Variants in TNFSF13 observed in about 807,000 individuals in gnomAD.
TNFSF13 encodes TNF superfamily member 13.
In TNFSF13, 18 loss-of-function variants were observed where a neutral mutation model predicts 30.7. That is an observed-to-expected ratio of 0.59 (90% CI 0.41 to 0.87). The LOEUF (loss-of-function observed/expected upper bound fraction) is 0.87, where lower values mean the gene tolerates loss of function less well. TNFSF13 is among the 40% of genes least tolerant of loss of function. TNFSF13 has a pLI of 0.00. For missense variants in TNFSF13, 286 were observed against 308.8 expected (o/e 0.93, Z 0.55); for synonymous variants, 116 against 123.2 (o/e 0.94, Z 0.39).
In TNFSF13 at chr17:7,558,804, TGAGG is replaced by T. The variant is rs2071114695; in HGVS notation, c.-230_-227del. The stretch of plus-strand genomic sequence containing the variant: ...GACTGGAACCTAATTCTCCTGAGGC[TGAGG>T]GAGGGTGGAGGGTCTCAAGGCAACG... On this transcript the variant is annotated 5_prime_UTR_variant, in exon 1 of 6. Coordinates refer to ENST00000338784, the MANE Select transcript of TNFSF13 (RefSeq NM_003808.4). This position sits in a 1 kb window ranked among gnomAD's most constrained non-coding sequence, Gnocchi z 4.3. The T allele has an allele frequency of 2.6e-6, 1 of 384,414 alleles. No homozygotes were observed. The highest frequency in any genetic ancestry group is 4.6e-6 in the Non-Finnish European group (1 of 217,928). 23.8% of individuals were successfully genotyped at this position (384,414 alleles called of 1,614,324 possible).
Position 7,560,364 on chromosome 17 carries a change from C to T in TNFSF13, c.519C>T (p.Asp173=), listed in dbSNP as rs998572420. The change falls in exon 5 of 6, where the codon GAC becomes GAT. Residue 173 remains aspartate, a synonymous_variant. Transcript: ENST00000338784. ...YLLYSQVLFQ[D]VTFTMGQVVS... is the part of the protein sequence containing the mutation. ...TTCCCTGCCAGGTCCTGTTTCAAGA[C>T]GTGACTTTCACCATGGGTCAGGTGG... The T allele has an allele frequency of 1.2e-6, 2 of 1,614,174 alleles. No homozygotes were observed. Among genetic ancestry groups the T allele is most frequent in the South Asian group, 2.2e-5 (2 of 91,076 alleles).
At position 7,559,830 on chromosome 17, in the gene TNFSF13, C is replaced by T. The variant is rs113714369; in HGVS notation, c.338-16C>T. 2.2e-5 allele frequency: 35 copies of T among 1,614,094 alleles called. No individual in the cohort carries two copies. The African/African-American group carries it at 2.4e-4, about 11-fold the overall frequency. On this transcript the variant is annotated splice_polypyrimidine_tract_variant and intron_variant, in intron 2 of 5. Transcript: ENST00000338784. This position sits in a 1 kb window ranked among gnomAD's most constrained non-coding sequence, Gnocchi z 5.4. ...GGAAAGTGGATGCGGCTGAGATTCC[C>T]TCCTTCTCTCCTCAGAGCAGCACTC... is the stretch of plus-strand genomic sequence containing the variant.
chr17:7,559,808 A>G lies in TNFSF13; in HGVS notation c.338-38A>G. On this transcript the variant is annotated intron_variant, in intron 2 of 5. Transcript: ENST00000338784. The surrounding 1 kb of genome is among the most constrained non-coding windows in gnomAD (Gnocchi z 5.4). ...AGGCTGCCAACAGCACAACGGGGGA[A>G]AGTGGATGCGGCTGAGATTCCCTCC... 1.9e-6 allele frequency: 3 copies of G among 1,614,072 alleles called. No individual in the cohort carries two copies. Among genetic ancestry groups the G allele is most frequent in the Non-Finnish European group, 2.5e-6 (3 of 1,179,998 alleles).
At position 7,559,886 on chromosome 17, in the gene TNFSF13, C is replaced by T. The variant is rs1393871598; in HGVS notation, c.378C>T (p.Thr126=). ...TGCACCTGGTTCCCATTAACGCCACCTCCAAGGGTGAGCACTATTTTAAAT... is the reference window on the plus strand; with the variant it reads ...TGCACCTGGTTCCCATTAACGCCACTTCCAAGGGTGAGCACTATTTTAAAT... ...SVLHLVPINA[T]SKDDSDVTEV... Residue 126 remains threonine (T), a synonymous_variant, in exon 3 of 6, where the codon ACC becomes ACT. Transcript: ENST00000338784. This position sits in a 1 kb window ranked among gnomAD's most constrained non-coding sequence, Gnocchi z 5.4. 1.2e-6 allele frequency: 2 copies of T among 1,614,176 alleles called. No individual in the cohort carries two copies. Among genetic ancestry groups the T allele is most frequent in the East Asian group, 2.2e-5 (1 of 44,886 alleles).
chr17:7,559,778 G>T lies in TNFSF13; in HGVS notation c.338-68G>T. On this transcript the variant is annotated intron_variant, in intron 2 of 5. Coordinates refer to ENST00000338784, the MANE Select transcript of TNFSF13 (RefSeq NM_003808.4). The surrounding 1 kb of genome is among the most constrained non-coding windows in gnomAD (Gnocchi z 5.4). ...GATTGTAAGCCCGAGTCAGGGTGAG[G>T]GTGGAGGCTGCCAACAGCACAACGG... The T allele has an allele frequency of 6.2e-7, 1 of 1,614,050 alleles. No individual in the cohort carries two copies. The highest frequency in any genetic ancestry group is 8.5e-7 in the Non-Finnish European group (1 of 1,179,992).
chr17:7,559,801 C>G lies in TNFSF13; in HGVS notation c.338-45C>G. 9.3e-6 allele frequency: 15 copies of G among 1,613,960 alleles called. No homozygotes were observed. Among genetic ancestry groups the G allele is most frequent in the Non-Finnish European group, 1.3e-5 (15 of 1,179,984 alleles). On this transcript the variant is annotated intron_variant, in intron 2 of 5. Transcript: ENST00000338784. The surrounding 1 kb of genome is among the most constrained non-coding windows in gnomAD (Gnocchi z 5.4). ...AGGGTGGAGGCTGCCAACAGCACAA[C>G]GGGGGAAAGTGGATGCGGCTGAGAT... is the stretch of plus-strand genomic sequence containing the variant.
At position 7,559,218 on chromosome 17, in the gene TNFSF13, G is replaced by A. The variant is rs1295405624; in HGVS notation, c.179G>A (p.Arg60Lys). ...TQQTELQSLR[R>K]EVSRLQGTGG... ...CAAACAGAGCTGCAGAGCCTCAGGA[G>A]AGAGGTGAGCCGGCTGCAGGGGACA... The change falls in exon 1 of 6, where the codon AGA (arginine) becomes AAA (lysine). Residue 60 changes from arginine to lysine, a missense_variant. Coordinates refer to ENST00000338784, the MANE Select transcript of TNFSF13 (RefSeq NM_003808.4). The surrounding 1 kb of genome is among the most constrained non-coding windows in gnomAD (Gnocchi z 5.4). 6.2e-7 allele frequency: 1 copy of A among 1,611,746 alleles called. No individual in the cohort carries two copies. The highest frequency in any genetic ancestry group is 1.7e-5 in the Admixed American group (1 of 59,934).
Position 7,558,902 on chromosome 17 carries a change from TATTTTC to T in TNFSF13, c.-136_-131del. The T allele has an allele frequency of 9.1e-7, 1 of 1,093,604 alleles. No homozygotes were observed. The highest frequency in any genetic ancestry group is 1.6e-5 in the African/African-American group (1 of 62,630). The allele number at this position is 1,093,604 out of a possible 1,614,324, so 67.7% of individuals were successfully genotyped here. ...GCTTGCTTTCCTCCTCCCTCCTTTTTATTTTCAAGTTCCTTTTTATTTCTCCTTGCG... is the reference window on the plus strand; with the variant it reads ...GCTTGCTTTCCTCCTCCCTCCTTTTTAAGTTCCTTTTTATTTCTCCTTGCG... On this transcript the variant is annotated 5_prime_UTR_variant, in exon 1 of 6. Transcript: ENST00000338784. The surrounding 1 kb of genome is among the most constrained non-coding windows in gnomAD (Gnocchi z 4.3).
At position 7,560,573 on chromosome 17, in the gene TNFSF13, A is replaced by T. The variant is rs78496193; in HGVS notation, c.643+85A>T. ...GAGCTACCGCTAGGAGGGAGGTTGG[A>T]AACCTAAACAGAGGCGGGTCTGAGG... On this transcript the variant is annotated intron_variant, in intron 5 of 5. Coordinates refer to ENST00000338784, the MANE Select transcript of TNFSF13 (RefSeq NM_003808.4). 1.2e-4 allele frequency: 193 copies of T among 1,610,334 alleles called. No individual in the cohort carries two copies. In the East Asian group the frequency reaches 4.3e-3, roughly 36 times the overall value.
In TNFSF13 at chr17:7,559,596, C is replaced by G. The variant is rs2071140050; in HGVS notation, c.259-28C>G. 2 of 1,610,718 alleles carry G rather than the reference C, an allele frequency of 1.2e-6. No individual in the cohort carries two copies. Among genetic ancestry groups the G allele is most frequent in the Non-Finnish European group, 1.7e-6 (2 of 1,178,670 alleles). On this transcript the variant is annotated intron_variant, in intron 1 of 5. Coordinates refer to ENST00000338784, the MANE Select transcript of TNFSF13 (RefSeq NM_003808.4). The surrounding 1 kb of genome is among the most constrained non-coding windows in gnomAD (Gnocchi z 5.4). The stretch of plus-strand genomic sequence containing the variant: ...CTGGCTGGGACCCTCGCATCTTAAC[C>G]TAACCTTGACCCTCTTTCCATGAGC...
chr17:7,559,553 G>GA lies in TNFSF13; in HGVS notation c.259-70dup, dbSNP rs146923778. ...GATCTGAGGCATCTCGGGGGCAGGG[G>GA]AGGGCTGGGAAGGCAGGCTGGCTGG... On this transcript the variant is annotated intron_variant, in intron 1 of 5. Coordinates refer to ENST00000338784, the MANE Select transcript of TNFSF13 (RefSeq NM_003808.4). This position sits in a 1 kb window ranked among gnomAD's most constrained non-coding sequence, Gnocchi z 5.4. The GA allele has an allele frequency of 2.4e-3, 3,781 of 1,563,780 alleles. 86 individuals are homozygous for GA. The African/African-American group carries it at 0.042, about 17-fold the overall frequency.
At chr17:7,560,002 C>T (rs375995657) in intron 3 of TNFSF13, 47 bp from the exon 4 acceptor site, 43 of 1,613,868 alleles carry the variant, frequency 2.7e-5, no homozygotes, top group East Asian at 6.7e-5. Context: ...AACCAAAAAG[C>T]ACCTGAGAGT....
chr17:7,558,900 T>C lies in TNFSF13; in HGVS notation c.-140T>C. 9.2e-7 allele frequency: 1 copy of C among 1,086,448 alleles called. No homozygotes were observed. Among genetic ancestry groups the C allele is most frequent in the Non-Finnish European group, 1.2e-6 (1 of 800,562 alleles). The allele number at this position is 1,086,448 out of a possible 1,614,324, so 67.3% of individuals were successfully genotyped here. On this transcript the variant is annotated 5_prime_UTR_variant, in exon 1 of 6. Coordinates refer to ENST00000338784, the MANE Select transcript of TNFSF13 (RefSeq NM_003808.4). This position sits in a 1 kb window ranked among gnomAD's most constrained non-coding sequence, Gnocchi z 4.3. ...TAGCTTGCTTTCCTCCTCCCTCCTT[T>C]TTATTTTCAAGTTCCTTTTTATTTC...
chr17:7,559,775 G>A lies in TNFSF13; in HGVS notation c.338-71G>A. On this transcript the variant is annotated intron_variant, in intron 2 of 5. Transcript: ENST00000338784. The surrounding 1 kb of genome is among the most constrained non-coding windows in gnomAD (Gnocchi z 5.4). ...GGGGATTGTAAGCCCGAGTCAGGGTGAGGGTGGAGGCTGCCAACAGCACAA... is the reference window on the plus strand; with the variant it reads ...GGGGATTGTAAGCCCGAGTCAGGGTAAGGGTGGAGGCTGCCAACAGCACAA... 1 of 1,614,054 alleles carries A rather than the reference G, an allele frequency of 6.2e-7. No individual in the cohort carries two copies. Among genetic ancestry groups the A allele is most frequent in the Non-Finnish European group, 8.5e-7 (1 of 1,179,976 alleles).
At chr17:7,560,297 C>T in intron 4 of TNFSF13, 53 bp from the exon 5 acceptor site, 2 of 1,613,432 alleles carry the variant, frequency 1.2e-6, no homozygotes, top group South Asian at 2.2e-5. Flanking sequence ...CTGAGGCCTC[C>T]CAGAACTGAG....
Position 7,560,535 on chromosome 17 carries a change from G to T in TNFSF13, c.643+47G>T, listed in dbSNP as rs750435092. The T allele has an allele frequency of 4.3e-6, 7 of 1,613,040 alleles. No homozygotes were observed. The African/African-American group carries it at 6.7e-5, about 15-fold the overall frequency. ...GAAAGCAGGACGTCTCTGACCGGGG[G>T]TAGCAGTGCAGGGAGCTACCGCTAG... On this transcript the variant is annotated intron_variant, in intron 5 of 5. Transcript: ENST00000338784.
Position 7,560,939 on chromosome 17 carries a change from G to A in TNFSF13, c.*106G>A. The A allele has an allele frequency of 6.2e-7, 1 of 1,614,154 alleles. No homozygotes were observed. The highest frequency in any genetic ancestry group is 1.1e-5 in the South Asian group (1 of 91,084). Reference sequence around the variant, plus strand: ...GGAGAGGGAATGTGCAGGAACAGAGGCGTCTTCCTGGGTTTGGCTCCCCGT... The same window carrying A: ...GGAGAGGGAATGTGCAGGAACAGAGACGTCTTCCTGGGTTTGGCTCCCCGT... On this transcript the variant is annotated 3_prime_UTR_variant, in exon 6 of 6. Coordinates refer to ENST00000338784, the MANE Select transcript of TNFSF13 (RefSeq NM_003808.4).
chr17:7,558,599 G>A (rs182237705), upstream of TNFSF13: 117 of 151,220 alleles, frequency 7.7e-4, no homozygotes, highest in Middle Eastern at 3.4e-3. The surrounding 1 kb of genome is among the most constrained non-coding windows in gnomAD (Gnocchi z 4.3). Context: ...GCTTGACCCC[G>A]AGGGTCTTCC....
chr17:7,561,171 C>A lies in TNFSF13; in HGVS notation c.*338C>A. The A allele has an allele frequency of 8.7e-7, 1 of 1,155,456 alleles. No individual in the cohort carries two copies. The highest frequency in any genetic ancestry group is 1.4e-5 in the South Asian group (1 of 70,116). The allele number at this position is 1,155,456 out of a possible 1,614,324, so 71.6% of individuals were successfully genotyped here. On this transcript the variant is annotated 3_prime_UTR_variant, in exon 6 of 6. Transcript: ENST00000338784. This position sits in a 1 kb window ranked among gnomAD's most constrained non-coding sequence, Gnocchi z 4.4. ...AGCGGCCGCTCGAGGGAAGCACCCGCCGGTTGGCCGAAGTCCACGAAGCCG... is the reference window on the plus strand; with the variant it reads ...AGCGGCCGCTCGAGGGAAGCACCCGACGGTTGGCCGAAGTCCACGAAGCCG...
Sources: gnomAD v4.1 joint callset for allele counts on GRCh38, gnomAD v4.1.1 for gene constraint, Gnocchi (gnomAD v3.1) non-coding constraint, MANE v1.5 for transcripts, NCBI Gene and HGNC (gene_info 2026-07-23, HGNC 2026-07-21) for gene names.